Variants in FRMD6 observed in about 807,000 individuals in gnomAD.
The protein encoded by FRMD6 is FERM domain containing 6.
A neutral mutation model predicts 73.2 loss-of-function variants in FRMD6; 37 were observed. The ratio of observed to expected loss-of-function variants is 0.51; its 90% CI spans 0.39 to 0.66. The LOEUF (loss-of-function observed/expected upper bound fraction) is 0.66. Ranked by LOEUF, FRMD6 falls within the 30% of genes least tolerant of loss-of-function variation. The pLI, the probability that FRMD6 is intolerant of heterozygous loss-of-function variation, is 0.00. For synonymous variants in FRMD6, 273 were observed against 282.2 expected (o/e 0.97, Z 0.33); for missense variants, 714 against 780.5 (o/e 0.91, Z 1.02).
intron 1 of FRMD6, among the ~76,000 whole-genome samples, chr14:51,556,505 C>T (rs1179798502): frequency 6.6e-6 from 1 of 152,138 alleles, no homozygotes; most frequent in Non-Finnish European, 1.5e-5. Flanking sequence ...AATTGCTTTA[C>T]AAGACTGAGG....
chr14:51,566,026 G>T (rs1009771928), intron 1 of FRMD6, among the ~76,000 whole-genome samples: 1 of 152,124 alleles, frequency 6.6e-6, no homozygotes, highest in Non-Finnish European at 1.5e-5. Context: ...TTAGCCGGGT[G>T]TGGTGGCGGG....
the FRMD6 span, among the ~76,000 whole-genome samples, chr14:51,421,907 G>T: frequency 0.013 from 1,968 of 152,250 alleles, 41 homozygotes; most frequent in African/African-American, 0.045. Flanking sequence ...CACACCATCT[G>T]TGTAAAGCTT....
chr14:51,607,082 C>T (rs903345659), intron 2 of FRMD6, among the ~76,000 whole-genome samples: 1 of 152,110 alleles, frequency 6.6e-6, no homozygotes, highest in Non-Finnish European at 1.5e-5. Flanking sequence ...TCCCCCACTA[C>T]TCCCCTGAGG....
chr14:51,469,935 A>G, the FRMD6 span, among the ~76,000 whole-genome samples: 10 of 151,656 alleles, frequency 6.6e-5, no homozygotes, highest in Admixed American at 3.3e-4. Context: ...ACAAATTGAC[A>G]GAGACAGACT....
At chr14:51,519,391 C>G (rs1466774582) in intron 1 of FRMD6, among the ~76,000 whole-genome samples, 1 of 152,022 alleles carries the variant, frequency 6.6e-6, no homozygotes, top group Non-Finnish European at 1.5e-5. Flanking sequence ...CTCGGGTGAC[C>G]CACCCACCTC....
intron 1 of FRMD6, among the ~76,000 whole-genome samples, chr14:51,508,445 T>C (rs1884104997): frequency 6.6e-6 from 1 of 152,224 alleles, no homozygotes; most frequent in African/African-American, 2.4e-5. Context: ...GAGAGCCCCG[T>C]GTGTTTCCTT....
the FRMD6 span, among the ~76,000 whole-genome samples, chr14:51,482,240 T>C: frequency 2.0e-5 from 3 of 152,198 alleles, no homozygotes; most frequent in South Asian, 2.1e-4. Flanking sequence ...TTGCTGACCA[T>C]CTGAAATGTT....
chr14:51,625,500 A>G (rs945268291), intron 2 of FRMD6, among the ~76,000 whole-genome samples: 4 of 151,758 alleles, frequency 2.6e-5, no homozygotes, highest in African/African-American at 9.7e-5. Context: ...AAAAACAGAC[A>G]TATTTCTACC....
At chr14:51,590,964 GC>G (rs1889351247) in intron 2 of FRMD6, among the ~76,000 whole-genome samples, 1 of 152,172 alleles carries the variant, frequency 6.6e-6, no homozygotes, top group Non-Finnish European at 1.5e-5. Flanking sequence ...AACCTGCTCA[GC>G]CTGGATTCTA....
intron 2 of FRMD6, among the ~76,000 whole-genome samples, chr14:51,628,877 C>CTTTTT (rs371915919): frequency 5.0e-4 from 48 of 95,306 alleles, no homozygotes; most frequent in African/African-American, 5.8e-4. Flanking sequence ...CTTTTCTTTT[C>CTTTTT]TTTTTTTTTT....
chr14:51,559,308 C>A (rs905670808), intron 1 of FRMD6, among the ~76,000 whole-genome samples: 1 of 152,184 alleles, frequency 6.6e-6, no homozygotes, highest in South Asian at 2.1e-4. Flanking sequence ...TTGCCTTCTT[C>A]TGCAAGACTT....
At chr14:51,472,200 A>G in the FRMD6 span, among the ~76,000 whole-genome samples, 1 of 152,178 alleles carries the variant, frequency 6.6e-6, no homozygotes, top group South Asian at 2.1e-4. Context: ...AAGGTTAAAG[A>G]GCTACACCAA....
chr14:51,510,931 G>A (rs770805400), intron 1 of FRMD6, among the ~76,000 whole-genome samples: 3 of 151,638 alleles, frequency 2.0e-5, no homozygotes, highest in African/African-American at 7.3e-5. Flanking sequence ...TCTTCCTTTC[G>A]TCTCTGCTCA....
chr14:51,509,399 T>C (rs1294876200), intron 1 of FRMD6, among the ~76,000 whole-genome samples: 1 of 151,900 alleles, frequency 6.6e-6, no homozygotes, highest in Non-Finnish European at 1.5e-5. Context: ...TAGTGGCAGA[T>C]GCCTGTAGTC....
the FRMD6 span, among the ~76,000 whole-genome samples, chr14:51,472,053 A>T: frequency 2.0e-5 from 3 of 152,152 alleles, no homozygotes; most frequent in Non-Finnish European, 4.4e-5. Context: ...GTAATGCCTG[A>T]TCTTGAACTT....
rs1057063980 is a variant in FRMD6, at chr14:51,728,239, A to C, written c.*210A>C. ...AAAAGAACTACAGAAAATGTACAGC[A>C]AGACAAGTGCCCGGAAGTTCACTGA... On this transcript the variant is annotated 3_prime_UTR_variant, in exon 14 of 14. Transcript: ENST00000344768. 1.8e-6 allele frequency: 1 copy of C among 541,118 alleles called. No individual in the cohort carries two copies. The highest frequency in any genetic ancestry group is 3.2e-6 in the Non-Finnish European group (1 of 309,308). The allele number at this position is 541,118 out of a possible 1,614,324, so 33.5% of individuals were successfully genotyped here.
chr14:51,661,835 T>A (rs1342441491), intron 1 of FRMD6, among the ~76,000 whole-genome samples: 6 of 152,352 alleles, frequency 3.9e-5, no homozygotes, highest in Admixed American at 2.6e-4. Context: ...TACTTGTAAT[T>A]CAGTTTTGTA....
chr14:51,489,334 G>T (rs569533222), exon 1 of FRMD6: 1 of 152,708 alleles, frequency 6.5e-6, no homozygotes, highest in Non-Finnish European at 1.5e-5. Flanking sequence ...GACGATTCTG[G>T]TTCCAGGGGC....
chr14:51,705,001 A>G, intron 6 of FRMD6, 66 bp downstream of exon 6: 1 of 1,397,778 alleles, frequency 7.2e-7, no homozygotes, highest in East Asian at 2.3e-5. Flanking sequence ...TAGTGTTGCT[A>G]CTCATACTCT....
Sources: allele counts gnomAD v4.1 joint callset (sites outside exome capture counted in the v4.1 genomes callset), GRCh38; gene constraint gnomAD v4.1.1; transcripts MANE v1.5; gene names NCBI Gene and HGNC (gene_info 2026-07-23, HGNC 2026-07-21).